Variants in ZMYM2 observed in about 807,000 individuals in gnomAD.
The protein encoded by ZMYM2 is zinc finger MYM-type protein 2.
Under a neutral mutation model 162.8 loss-of-function variants are expected in ZMYM2, and 56 were observed. The ratio of observed to expected loss-of-function variants is 0.34; its 90% CI spans 0.28 to 0.43. ZMYM2 has a LOEUF of 0.43. ZMYM2 is among the 20% of genes least tolerant of loss of function. The pLI, the probability that ZMYM2 is intolerant of heterozygous loss-of-function variation, is 1.00. For missense variants in ZMYM2, 1,275 were observed against 1,621.8 expected (o/e 0.79, Z 3.67); for synonymous variants, 510 against 541.6 (o/e 0.94, Z 0.81).
the ZMYM2 span, among the ~76,000 whole-genome samples, chr13:19,868,029 A>G: frequency 6.6e-6 from 1 of 152,216 alleles, no homozygotes; most frequent in African/African-American, 2.4e-5. Context: ...AGCTCCCCAG[A>G]ACCTTACTAG....
chr13:19,870,482 C>T, the ZMYM2 span, among the ~76,000 whole-genome samples: 1 of 151,104 alleles, frequency 6.6e-6, no homozygotes. Flanking sequence ...TCCTTCCTTC[C>T]CCTCCTTTCC....
intron 21 of ZMYM2, among the ~76,000 whole-genome samples, chr13:20,075,951 CT>C (rs1957472187): frequency 6.6e-6 from 1 of 152,004 alleles, no homozygotes; most frequent in South Asian, 2.1e-4. Flanking sequence ...CCACCTCAGC[CT>C]CCCAAAGTTC....
chr13:20,043,403 G>A (rs1954458402), intron 12 of ZMYM2, among the ~76,000 whole-genome samples: 1 of 152,290 alleles, frequency 6.6e-6, no homozygotes, highest in South Asian at 2.1e-4. Context: ...TGGTGCTGGG[G>A]TGCCTGCCTC....
the ZMYM2 span, among the ~76,000 whole-genome samples, chr13:19,879,560 T>TA: frequency 6.6e-6 from 1 of 152,218 alleles, no homozygotes; most frequent in African/African-American, 2.4e-5. Context: ...AGCTCTATAG[T>TA]AAGTTTGAAA....
chr13:20,068,767 TC>T (rs1956867066), intron 21 of ZMYM2, among the ~76,000 whole-genome samples: 1 of 152,154 alleles, frequency 6.6e-6, no homozygotes, highest in Non-Finnish European at 1.5e-5. Flanking sequence ...GTTATCTAGA[TC>T]AATTATTTTT....
chr13:20,083,913 C>G (rs570855805), intron 24 of ZMYM2, 137 bp downstream of exon 24: 3 of 864,716 alleles, frequency 3.5e-6, no homozygotes, highest in African/African-American at 3.4e-5. Flanking sequence ...CAAGTTCATT[C>G]AGTTATAATC....
chr13:20,051,184 A>G (rs961224486), intron 12 of ZMYM2, among the ~76,000 whole-genome samples: 6 of 151,108 alleles, frequency 4.0e-5, no homozygotes, highest in African/African-American at 1.5e-4. Context: ...ATATTTAGTT[A>G]TCCTACTTTT....
intron 12 of ZMYM2, among the ~76,000 whole-genome samples, chr13:20,046,587 G>A (rs76674153): frequency 0.091 from 2,460 of 27,082 alleles, 36 homozygotes; most frequent in Non-Finnish European, 0.27. Flanking sequence ...ATATATGTGT[G>A]TGTGTGTGTG....
the ZMYM2 span, among the ~76,000 whole-genome samples, chr13:19,929,986 T>A: frequency 6.6e-6 from 1 of 152,208 alleles, no homozygotes; most frequent in Non-Finnish European, 1.5e-5. Flanking sequence ...AAGTCTGGGA[T>A]GGTAGTTCAT....
intron 3 of ZMYM2, among the ~76,000 whole-genome samples, chr13:19,998,447 C>T (rs9508993): frequency 0.45 from 68,837 of 151,924 alleles, 17,626 homozygotes; most frequent in East Asian, 0.67. Context: ...TAGAACACCC[C>T]GAGGAGCCAC....
the ZMYM2 span, among the ~76,000 whole-genome samples, chr13:19,930,129 G>A: frequency 2.6e-5 from 4 of 152,240 alleles, no homozygotes; most frequent in South Asian, 6.2e-4. Context: ...TGTCAGGCAC[G>A]GTGGCTCACG....
chr13:20,067,872 T>C (rs7321929), intron 21 of ZMYM2, among the ~76,000 whole-genome samples: 8,464 of 152,258 alleles, frequency 0.056, 264 homozygotes, highest in Middle Eastern at 0.092. Context: ...CTGAACAGAT[T>C]CCACAGATTT....
chr13:19,965,979 C>T (rs1242816491), intron 2 of ZMYM2, among the ~76,000 whole-genome samples: 6 of 151,814 alleles, frequency 4.0e-5, no homozygotes, highest in Admixed American at 1.3e-4. Flanking sequence ...AGGGTTTCAC[C>T]GTGTTGGCCA....
chr13:20,045,021 G>A (rs1954629892), intron 12 of ZMYM2, among the ~76,000 whole-genome samples: 1 of 128,452 alleles, frequency 7.8e-6, no homozygotes, highest in South Asian at 2.6e-4. Context: ...CTACACTCCA[G>A]CCCGGGCGAC....
chr13:20,081,220 A>G (rs1957885530), intron 21 of ZMYM2, among the ~76,000 whole-genome samples: 1 of 152,204 alleles, frequency 6.6e-6, no homozygotes, highest in Non-Finnish European at 1.5e-5. Flanking sequence ...CCTTAGGTTT[A>G]CAATCTGCAT....
At chr13:20,006,256 T>C in intron 5 of ZMYM2, 118 bp from the exon 6 acceptor site, 4 of 1,051,668 alleles carry the variant, frequency 3.8e-6, no homozygotes, top group Non-Finnish European at 5.2e-6. Flanking sequence ...AAATTTTTTT[T>C]TTCCTTTTCT....
intron 20 of ZMYM2, 53 bp from the exon 21 acceptor site, chr13:20,067,186 C>CCT: frequency 6.8e-7 from 1 of 1,469,648 alleles, no homozygotes. Context: ...AGTTTCTTAA[C>CCT]CTTAATAAGA....
intron 21 of ZMYM2, among the ~76,000 whole-genome samples, chr13:20,072,792 T>A (rs1482393903): frequency 1.3e-5 from 2 of 152,194 alleles, no homozygotes; most frequent in Non-Finnish European, 2.9e-5. Context: ...CAATTTTGTC[T>A]TTCAAGAAAT....
chr13:20,034,089 G>A (rs975733018), intron 10 of ZMYM2, among the ~76,000 whole-genome samples, 165 bp from the exon 11 acceptor site: 3 of 152,140 alleles, frequency 2.0e-5, no homozygotes, highest in African/African-American at 7.2e-5. Context: ...GTTTAAATTT[G>A]GCAGTGAATT....
Sources: allele counts gnomAD v4.1 joint callset (sites outside exome capture counted in the v4.1 genomes callset), GRCh38; gene constraint gnomAD v4.1.1; transcripts MANE v1.5; gene names NCBI Gene and HGNC (gene_info 2026-07-23, HGNC 2026-07-21).